FCHO1: variants seen among roughly 807,000 people sequenced by gnomAD.
FCHO1 encodes the protein FCH and mu domain containing endocytic adaptor 1, also known as F-BAR domain only protein 1.
In FCHO1, 45 loss-of-function variants were observed where a neutral mutation model predicts 114.4. The observed-to-expected ratio is 0.39, with a 90% CI of 0.31 to 0.50. The LOEUF is 0.50. Ranked by LOEUF, FCHO1 falls within the 20% of genes least tolerant of loss-of-function variation. The pLI, the probability that FCHO1 is intolerant of heterozygous loss-of-function variation, is 0.77. For synonymous variants in FCHO1, 480 were observed against 488.9 expected, an observed-to-expected ratio of 0.98 and a Z score of 0.24; for missense variants, 1,042 against 1,209.6, an observed-to-expected ratio of 0.86 and a Z score of 2.06.
Position 17,784,974 on chromosome 19 carries a change from C to A in FCHO1, c.2426+50C>A. ...AAAACTCAGCAGTTTCCCCCATAAC[C>A]CCAGACCTTCTCCCTGATGCATTGA... On this transcript the variant is annotated intron_variant, in intron 26 of 28. Transcript: ENST00000596536. The surrounding 1 kb of genome is among the most constrained non-coding windows in gnomAD (Gnocchi z 5.3). The A allele has an allele frequency of 1.3e-6, 2 of 1,567,170 alleles. No individual in the cohort carries two copies. The highest frequency in any genetic ancestry group is 1.7e-6 in the Non-Finnish European group (2 of 1,151,370).
rs2147618152 is a variant in FCHO1, at chr19:17,788,541, T to G, written c.*235T>G. On this transcript the variant is annotated 3_prime_UTR_variant, in exon 29 of 29. Coordinates refer to ENST00000596536, the MANE Select transcript of FCHO1 (RefSeq NM_015122.3). ...TTTGAATAAACACTTTATTTTCTAA[T>G]AAAATAAAAAAGGAAACCTTTTCCT... 1.9e-6 allele frequency: 1 copy of G among 521,204 alleles called. No homozygotes were observed. The highest frequency in any genetic ancestry group is 2.0e-5 in the African/African-American group (1 of 50,578). The allele number at this position is 521,204 out of a possible 1,614,324, so 32.3% of individuals were successfully genotyped here.
chr19:17,772,899 G>A (rs1425527572), intron 11 of FCHO1, among the ~76,000 whole-genome samples, 158 bp downstream of exon 11: 3 of 152,082 alleles, frequency 2.0e-5, no homozygotes, highest in Non-Finnish European at 2.9e-5. Flanking sequence ...TTGACCTCAG[G>A]TGATCTGCCT....
intron 4 of FCHO1, among the ~76,000 whole-genome samples, chr19:17,761,532 T>C (rs2086171791): frequency 6.6e-6 from 1 of 151,922 alleles, no homozygotes; most frequent in Non-Finnish European, 1.5e-5. Flanking sequence ...TAACTGAATT[T>C]GTTTATCAGT....
intron 20 of FCHO1, among the ~76,000 whole-genome samples, chr19:17,780,986 ATACCCCC>A (rs1464597968): frequency 6.6e-6 from 1 of 152,204 alleles, no homozygotes. Flanking sequence ...GCTTGCTTGC[ATACCCCC>A]AGTGATGGGG....
chr19:17,781,138 A>C (rs933972016), intron 20 of FCHO1, 93 bp from the exon 21 acceptor site: 1 of 844,052 alleles, frequency 1.2e-6, no homozygotes, highest in African/African-American at 1.7e-5. Flanking sequence ...AGAAAAGCCC[A>C]CCTCCTAAGA....
intron 28 of FCHO1, 59 bp from the exon 29 acceptor site, chr19:17,788,225 G>T (rs766106527): frequency 2.6e-5 from 30 of 1,172,516 alleles, no homozygotes; most frequent in Non-Finnish European, 3.4e-5. Context: ...GTCAGAGCCG[G>T]GGAACCCCTC....
chr19:17,786,812 G>A (rs1036311127), intron 27 of FCHO1, among the ~76,000 whole-genome samples, 183 bp downstream of exon 27: 1 of 152,004 alleles, frequency 6.6e-6, no homozygotes, highest in African/African-American at 2.4e-5. Flanking sequence ...CAGTGCTTTG[G>A]GAGGCCCAGA....
rs1254636394 is a variant in FCHO1, at chr19:17,778,836, C to T, written c.1579C>T (p.Leu527Phe). The T allele has an allele frequency of 2.6e-6, 4 of 1,559,318 alleles. No individual in the cohort carries two copies. The highest frequency in any genetic ancestry group is 2.3e-5 in the South Asian group (2 of 86,174). The change falls in exon 20 of 29, where the codon CTC becomes TTC. Residue 527 changes from leucine (L) to phenylalanine (F), a missense_variant. This residue lies in a region of FCHO1 where 455 missense variants were observed against 455.4 expected (regional missense o/e 1.00). Coordinates refer to ENST00000596536, the MANE Select transcript of FCHO1 (RefSeq NM_015122.3). ...APPLPDSPQP[L>F]ASSPGPWGLE... ...GCCTCTGCCAGACTCGCCGCAGCCC[C>T]TCGCCTCGTCTCCAGGCCCCTGGGG...
chr19:17,761,635 T>C (rs938863311), intron 4 of FCHO1, among the ~76,000 whole-genome samples: 9 of 98,188 alleles, frequency 9.2e-5, no homozygotes, highest in Non-Finnish European at 1.3e-4. Flanking sequence ...TGTATATACA[T>C]ATATATATAT....
intron 1 of FCHO1, among the ~76,000 whole-genome samples, chr19:17,753,066 A>G (rs367770998): frequency 1.8e-4 from 27 of 152,130 alleles, no homozygotes; most frequent in African/African-American, 6.3e-4. Context: ...TGGGCAACAG[A>G]GCGAGACCCT....
chr19:17,774,231 T>A lies in FCHO1; in HGVS notation c.791-8T>A, dbSNP rs760899372. On this transcript the variant is annotated splice_polypyrimidine_tract_variant and splice_region_variant and intron_variant, in intron 11 of 28. Transcript: ENST00000596536. ...GCCCCTCAATTGAGTTTCCGTCTCC[T>A]GTCTCAGGACCTCTGGACTTCGAGG... The A allele has an allele frequency of 5.6e-6, 9 of 1,613,884 alleles. No individual in the cohort carries two copies. The highest frequency in any genetic ancestry group is 2.5e-6 in the Non-Finnish European group (3 of 1,179,966).
At chr19:17,771,218 C>G (rs2091410923) in intron 9 of FCHO1, among the ~76,000 whole-genome samples, 1 of 151,552 alleles carries the variant, frequency 6.6e-6, no homozygotes, top group Non-Finnish European at 1.5e-5. Context: ...AGCCATTGTA[C>G]TCCAGGTTAG....
chr19:17,777,399 G>A (rs1422906440), intron 18 of FCHO1, among the ~76,000 whole-genome samples: 2 of 151,902 alleles, frequency 1.3e-5, no homozygotes, highest in African/African-American at 2.4e-5. Context: ...AGCCAGGCAT[G>A]GTGGCACATG....
At position 17,775,837 on chromosome 19, in the gene FCHO1, G is replaced by A. The variant is rs1249135884; in HGVS notation, c.1004-146G>A. 1.6e-5 allele frequency: 14 copies of A among 898,414 alleles called. No individual in the cohort carries two copies. Among genetic ancestry groups the A allele is most frequent in the Non-Finnish European group, 2.0e-5 (12 of 598,262 alleles). 55.7% of individuals were successfully genotyped at this position (898,414 alleles called of 1,614,324 possible). Reference sequence around the variant, plus strand: ...GGGGTGGGAGTGCTGGTGGGACATGGTGTCAGGACTGAAGGTGGCGCGTGG... The same window carrying A: ...GGGGTGGGAGTGCTGGTGGGACATGATGTCAGGACTGAAGGTGGCGCGTGG... On this transcript the variant is annotated intron_variant, in intron 15 of 28. Coordinates refer to ENST00000596536, the MANE Select transcript of FCHO1 (RefSeq NM_015122.3). This position sits in a 1 kb window ranked among gnomAD's most constrained non-coding sequence, Gnocchi z 5.1.
At chr19:17,777,661 T>C (rs1599731102) in intron 18 of FCHO1, among the ~76,000 whole-genome samples, 2 of 149,440 alleles carry the variant, frequency 1.3e-5, no homozygotes, top group South Asian at 4.3e-4. Context: ...TGAGGTGGGG[T>C]TGGGAACCTC....
chr19:17,781,642 A>C (rs2093419591), intron 22 of FCHO1, 70 bp from the exon 23 acceptor site: 2 of 1,540,116 alleles, frequency 1.3e-6, no homozygotes, highest in East Asian at 4.5e-5. Context: ...GGGCGGAGGG[A>C]GTCTCGAGCC....
intron 11 of FCHO1, among the ~76,000 whole-genome samples, chr19:17,773,051 C>T (rs984549708): frequency 6.6e-6 from 1 of 152,168 alleles, no homozygotes; most frequent in East Asian, 1.9e-4. Flanking sequence ...TGAACCAGAT[C>T]CCAGAGGAGC....
chr19:17,780,180 T>TC (rs1290339702), intron 20 of FCHO1, among the ~76,000 whole-genome samples: 2 of 149,938 alleles, frequency 1.3e-5, no homozygotes, highest in Non-Finnish European at 1.5e-5. Context: ...TTTTTTTTTT[T>TC]TGAGAGGGAG....
At position 17,777,252 on chromosome 19, in the gene FCHO1, T is replaced by A. The variant is rs532725160; in HGVS notation, c.1259+566T>A. Among the ~76,000 whole-genome samples, 21 of 151,932 alleles carry A rather than the reference T, an allele frequency of 1.4e-4. No individual in the cohort carries two copies. The East Asian group carries it at 4.1e-3, about 30-fold the overall frequency. On this transcript the variant is annotated intron_variant, in intron 18 of 28. Transcript: ENST00000596536. ...GACTCCAGATTTTAAGAATAGCAAA[T>A]AGGGCCAGGCGTGGCGGCTCACGCC...
Sources: allele counts gnomAD v4.1 joint callset (sites outside exome capture counted in the v4.1 genomes callset), GRCh38; gene constraint gnomAD v4.1.1; regional missense constraint gnomAD v4.1.1; non-coding constraint Gnocchi (gnomAD v3.1); transcripts MANE v1.5; gene names NCBI Gene and HGNC (gene_info 2026-07-23, HGNC 2026-07-21).